The following OCRL variants were observed in gnomAD, a reference collection of about 807,000 sequenced individuals.
OCRL encodes the protein inositol polyphosphate 5-phosphatase OCRL.
Under a neutral mutation model 78.9 loss-of-function variants are expected in OCRL, and 8 were observed. That is an observed-to-expected ratio of 0.10 (90% CI 0.06 to 0.18). The LOEUF is 0.18. Ranked by LOEUF, OCRL falls within the 10% of genes least tolerant of loss-of-function variation. The probability of loss-of-function intolerance (pLI) is 1.00; values close to 1 mark genes in which losing one functional copy is unlikely to be tolerated. For synonymous variants in OCRL, 240 were observed against 235.4 expected (o/e 1.02, Z -0.18); for missense variants, 454 against 696.7 (o/e 0.65, Z 3.92).
chrX:129,542,111 G>T (rs1201121196), intron 2 of OCRL, among the ~76,000 whole-genome samples: 5 of 111,872 alleles, frequency 4.5e-5, no homozygotes, highest in Admixed American at 3.8e-4. Flanking sequence ...TGTGTGCCTT[G>T]GTTTCCTCTA....
At chrX:129,572,364 C>CT (rs1458171037) in intron 15 of OCRL, among the ~76,000 whole-genome samples, 6 of 112,272 alleles carry the variant, frequency 5.3e-5, no homozygotes, top group Non-Finnish European at 1.1e-4. Context: ...CAGTAATTTC[C>CT]TTTACTAAAA....
chrX:129,549,665 C>G (rs1935933836), intron 4 of OCRL: 1 of 111,890 alleles, frequency 8.9e-6, no homozygotes, highest in East Asian at 2.8e-4. Flanking sequence ...AAGGCAAAAA[C>G]AACACTTAAA....
At chrX:129,560,149 T>C (rs775472287) in intron 8 of OCRL, among the ~76,000 whole-genome samples, 1 of 111,885 alleles carries the variant, frequency 8.9e-6, no homozygotes, top group African/African-American at 3.2e-5. Context: ...AGGAAGTGAG[T>C]TCCTGGAGTC....
chrX:129,568,162 C>T (rs990948062), intron 14 of OCRL, among the ~76,000 whole-genome samples: 1 of 110,125 alleles, frequency 9.1e-6, no homozygotes, highest in Non-Finnish European at 1.9e-5. Flanking sequence ...ATGATCCACC[C>T]GCCTCGGCCT....
intron 18 of OCRL, among the ~76,000 whole-genome samples, chrX:129,583,048 A>G (rs1262483220): frequency 8.9e-6 from 1 of 112,009 alleles, no homozygotes; most frequent in Non-Finnish European, 1.9e-5. Context: ...TGAGGAACCC[A>G]GACCTTCTGC....
At chrX:129,540,712 T>G (rs1935784235) in intron 1 of OCRL, 32 bp from the exon 2 acceptor site, 1 of 1,161,778 alleles carries the variant, frequency 8.6e-7, no homozygotes, top group African/African-American at 1.8e-5. Flanking sequence ...CCCACCGCGC[T>G]TCCGAAGGAG....
rs1441365286 is a variant in OCRL, at chrX:129,591,264, T to G, written c.*994T>G. 1 of 112,851 alleles carries G rather than the reference T, an allele frequency of 8.9e-6. No individual in the cohort carries two copies. Among genetic ancestry groups the G allele is most frequent in the Non-Finnish European group, 1.9e-5 (1 of 53,227 alleles). The allele number at this position is 112,851 out of a possible 1,213,427, so 9.3% of individuals were successfully genotyped here. On this transcript the variant is annotated 3_prime_UTR_variant, in exon 24 of 24. Transcript: ENST00000371113. The stretch of plus-strand genomic sequence containing the variant: ...ATGACCCTTAGAATCCATTCTCTGG[T>G]CTTCTGAAATACCAAGGGCAGATGT...
At position 129,590,669 on chromosome X, in the gene OCRL, A is replaced by G. The variant is rs776626479; in HGVS notation, c.*399A>G. The G allele has an allele frequency of 2.2e-4, 46 of 211,923 alleles. No homozygotes were observed. The South Asian group carries it at 3.0e-3, about 14-fold the overall frequency. 17.5% of individuals were successfully genotyped at this position (211,923 alleles called of 1,213,427 possible). A position where few individuals can be genotyped will look rare whatever the true frequency, so the allele number is the denominator to read the frequency against. On this transcript the variant is annotated 3_prime_UTR_variant, in exon 24 of 24. Transcript: ENST00000371113. ...TACTTGCTGTAGCTGAGACTTGTCT[A>G]GAGTCCTTTGTTTTGCACTTTTGAC...
At chrX:129,562,895 G>A in intron 12 of OCRL, 109 bp downstream of exon 12, 1 of 755,528 alleles carries the variant, frequency 1.3e-6, no homozygotes, top group South Asian at 2.5e-5. Context: ...AAGATTACCA[G>A]TGAGGGATTG....
intron 12 of OCRL, 149 bp from the exon 13 acceptor site, chrX:129,565,623 C>T: frequency 2.1e-6 from 1 of 475,954 alleles, no homozygotes; most frequent in African/African-American, 2.4e-5. Context: ...AGTAGTTGCC[C>T]TCAAAGGATT....
intron 18 of OCRL, among the ~76,000 whole-genome samples, chrX:129,579,510 G>T (rs1766715013): frequency 9.0e-6 from 1 of 111,719 alleles, no homozygotes; most frequent in Non-Finnish European, 1.9e-5. Context: ...CACTGTTTTA[G>T]AAAGATCCTT....
chrX:129,540,383 C>G lies in OCRL; in HGVS notation c.-57C>G. ...TGGGTGGGTGTGGGGACGCGGGAGC[C>G]AGTGTCGTCGGATCGGCCCGCAGTC... On this transcript the variant is annotated 5_prime_UTR_variant, in exon 1 of 24. Transcript: ENST00000371113. 2 of 1,118,760 alleles carry G rather than the reference C, an allele frequency of 1.8e-6. No homozygotes were observed. Among genetic ancestry groups the G allele is most frequent in the Non-Finnish European group, 2.4e-6 (2 of 839,198 alleles). 92.2% of individuals were successfully genotyped at this position (1,118,760 alleles called of 1,213,427 possible).
intron 18 of OCRL, among the ~76,000 whole-genome samples, chrX:129,584,131 C>T (rs768175803): frequency 5.4e-5 from 6 of 111,847 alleles, no homozygotes; most frequent in Non-Finnish European, 9.4e-5. Context: ...TATTCTCAAA[C>T]TGCACAAAAA....
chrX:129,541,792 T>C (rs1410172086), intron 2 of OCRL, among the ~76,000 whole-genome samples: 1 of 112,178 alleles, frequency 8.9e-6, no homozygotes, highest in African/African-American at 3.2e-5. Context: ...TCTGTATCTA[T>C]GCTGTCAGAT....
At chrX:129,571,126 T>C (rs1027104494) in intron 15 of OCRL, among the ~76,000 whole-genome samples, 1 of 112,036 alleles carries the variant, frequency 8.9e-6, no homozygotes. Flanking sequence ...ACCTCTATAA[T>C]TCTATAGAAC....
chrX:129,581,111 C>T (rs190925315), intron 18 of OCRL, among the ~76,000 whole-genome samples: 3,114 of 112,576 alleles, frequency 0.028, 103 homozygotes, highest in African/African-American at 0.094. Flanking sequence ...GTGATCCACC[C>T]GCCTCAGCTT....
intron 4 of OCRL, among the ~76,000 whole-genome samples, chrX:129,554,102 C>T (rs887990836): frequency 2.8e-5 from 3 of 106,449 alleles, no homozygotes; most frequent in Non-Finnish European, 5.8e-5. Flanking sequence ...AAGGGGCTGA[C>T]GGATAGTAAG....
At position 129,576,618 on chromosome X, in the gene OCRL, T is replaced by C. The variant is rs1031557174; in HGVS notation, c.2115+66T>C. On this transcript the variant is annotated intron_variant, in intron 18 of 23. Transcript: ENST00000371113. ...TTTTCACAATACTTAAGTGACGTCC[T>C]CATTATCTTTGTGCTTTCTGTCTTC... 31 of 842,165 alleles carry C rather than the reference T, an allele frequency of 3.7e-5. No individual in the cohort carries two copies. In the African/African-American group the frequency reaches 5.6e-4, roughly 15 times the overall value. The allele number at this position is 842,165 out of a possible 1,213,427, so 69.4% of individuals were successfully genotyped here. A position where few individuals can be genotyped will look rare whatever the true frequency, so the allele number is the denominator to read the frequency against.
chrX:129,565,553 A>G (rs189979882), intron 12 of OCRL, among the ~76,000 whole-genome samples: 3 of 112,127 alleles, frequency 2.7e-5, no homozygotes, highest in East Asian at 5.6e-4. Context: ...TTCATTCTTC[A>G]TGTACAGAGT....
Sources: gnomAD v4.1 joint callset for allele counts (sites outside exome capture counted in the v4.1 genomes callset) on GRCh38, gnomAD v4.1.1 for gene constraint, MANE v1.5 for transcripts, NCBI Gene and HGNC (gene_info 2026-07-23, HGNC 2026-07-21) for gene names.